The following CRTAC1 variants were observed in gnomAD, a reference collection of about 807,000 sequenced individuals.
CRTAC1 encodes the protein cartilage acidic protein 1.
Under a neutral mutation model 67.8 loss-of-function variants are expected in CRTAC1, and 37 were observed. That is an observed-to-expected ratio of 0.55 (90% CI 0.42 to 0.72). CRTAC1 has a LOEUF of 0.72. CRTAC1 is among the 30% of genes least tolerant of loss of function. The pLI is 0.00. For missense variants in CRTAC1, 780 were observed against 931.6 expected (o/e 0.84, Z 2.12); for synonymous variants, 348 against 371.0 (o/e 0.94, Z 0.71).
intron 2 of CRTAC1, among the ~76,000 whole-genome samples, chr10:97,953,833 A>T (rs904031602): frequency 6.6e-6 from 1 of 152,190 alleles, no homozygotes; most frequent in African/African-American, 2.4e-5. Context: ...GAGCAAACAT[A>T]TTATTTCAAC....
At chr10:97,979,867 C>T (rs1238381419) in intron 2 of CRTAC1, among the ~76,000 whole-genome samples, 1 of 152,176 alleles carries the variant, frequency 6.6e-6, no homozygotes, top group African/African-American at 2.4e-5. Flanking sequence ...CACCATCTCT[C>T]CCAAGCTTGC....
intron 11 of CRTAC1, among the ~76,000 whole-genome samples, chr10:97,889,717 C>T (rs1364230671): frequency 6.6e-6 from 1 of 152,144 alleles, no homozygotes; most frequent in Non-Finnish European, 1.5e-5. Context: ...TCCGTGTACT[C>T]ACACATGCGC....
chr10:97,913,927 T>C (rs552758303), intron 5 of CRTAC1, among the ~76,000 whole-genome samples: 1 of 152,352 alleles, frequency 6.6e-6, no homozygotes, highest in South Asian at 2.1e-4. Context: ...TGACTTCCTA[T>C]AAATCAGATC....
At chr10:97,933,186 C>A (rs1032184471) in intron 3 of CRTAC1, among the ~76,000 whole-genome samples, 1 of 152,278 alleles carries the variant, frequency 6.6e-6, no homozygotes, top group African/African-American at 2.4e-5. Flanking sequence ...CTGCTCCACA[C>A]CCCGCCCACT....
chr10:97,890,950 A>G (rs1160939395), intron 11 of CRTAC1, among the ~76,000 whole-genome samples: 1 of 152,170 alleles, frequency 6.6e-6, no homozygotes, highest in Non-Finnish European at 1.5e-5. Flanking sequence ...GACAGGCGTG[A>G]GCCACTGCAC....
intron 2 of CRTAC1, among the ~76,000 whole-genome samples, chr10:97,990,981 T>C (rs1019732254): frequency 1.4e-4 from 21 of 151,520 alleles, no homozygotes; most frequent in East Asian, 7.8e-4. Context: ...ATGAAAAATA[T>C]GGCTGGGCAT....
At chr10:98,028,163 A>G (rs768312191) in intron 1 of CRTAC1, among the ~76,000 whole-genome samples, 19 of 152,130 alleles carry the variant, frequency 1.2e-4, no homozygotes, top group Non-Finnish European at 2.1e-4. Context: ...TCTCCTTGGA[A>G]TGTTGTGCTT....
intron 2 of CRTAC1, among the ~76,000 whole-genome samples, chr10:98,002,253 T>G (rs1407465102): frequency 6.6e-6 from 1 of 152,244 alleles, no homozygotes; most frequent in Non-Finnish European, 1.5e-5. Context: ...GCAGAGGCAT[T>G]TTTAGTGTTT....
intron 2 of CRTAC1, among the ~76,000 whole-genome samples, chr10:97,956,248 C>A (rs958671517): frequency 2.0e-5 from 3 of 152,194 alleles, no homozygotes; most frequent in African/African-American, 7.2e-5. Context: ...TTACTGTCTG[C>A]CAGGCACAGG....
chr10:98,012,355 T>C (rs1395589628), intron 1 of CRTAC1, among the ~76,000 whole-genome samples: 1 of 147,196 alleles, frequency 6.8e-6, no homozygotes, highest in Non-Finnish European at 1.5e-5. Flanking sequence ...ACGCTGCAGA[T>C]GGCACCACCC....
chr10:97,879,834 T>C (rs1224266426), intron 14 of CRTAC1: 1 of 823,192 alleles, frequency 1.2e-6, no homozygotes, highest in Non-Finnish European at 1.5e-6. Flanking sequence ...AGACAGAAAA[T>C]GGGAAAAAGA....
chr10:97,920,384 C>T (rs1191743239), intron 4 of CRTAC1, among the ~76,000 whole-genome samples: 1 of 152,188 alleles, frequency 6.6e-6, no homozygotes, highest in African/African-American at 2.4e-5. Flanking sequence ...CATGGTAATT[C>T]TGGGAGGGTG....
intron 1 of CRTAC1, among the ~76,000 whole-genome samples, chr10:98,024,481 T>C (rs1843185117): frequency 6.6e-6 from 1 of 152,150 alleles, no homozygotes; most frequent in Non-Finnish European, 1.5e-5. Flanking sequence ...GAAGTCGCCA[T>C]CACCCTTTCT....
chr10:97,936,140 G>T (rs779298461), intron 3 of CRTAC1, 30 bp downstream of exon 3: 1 of 1,551,876 alleles, frequency 6.4e-7, no homozygotes, highest in Admixed American at 1.8e-5. Context: ...AAGATGGGAA[G>T]CAGGAAGAGG....
At chr10:97,928,651 C>G (rs982047701) in intron 3 of CRTAC1, among the ~76,000 whole-genome samples, 6 of 152,156 alleles carry the variant, frequency 3.9e-5, no homozygotes, top group African/African-American at 1.4e-4. Context: ...GCCTTGAAAT[C>G]AGGATGGAAG....
At chr10:97,924,546 G>A (rs2050886571) in intron 3 of CRTAC1, among the ~76,000 whole-genome samples, 1 of 152,162 alleles carries the variant, frequency 6.6e-6, no homozygotes, top group Non-Finnish European at 1.5e-5. Context: ...CCCAGTGTTG[G>A]TTCTGCTTGG....
intron 2 of CRTAC1, among the ~76,000 whole-genome samples, chr10:97,951,631 G>C (rs535458663): frequency 9.0e-4 from 137 of 152,300 alleles, no homozygotes; most frequent in Non-Finnish European, 1.6e-3. Context: ...TGAAGTGCTT[G>C]CTGTATAAAA....
At chr10:97,965,176 G>A (rs574440173) in intron 2 of CRTAC1, among the ~76,000 whole-genome samples, 61 of 152,292 alleles carry the variant, frequency 4.0e-4, no homozygotes, top group African/African-American at 1.5e-3. Context: ...CTCGTGGAAG[G>A]TCCTCTTCTT....
At chr10:98,017,135 TG>T (rs1487767943) in intron 1 of CRTAC1, among the ~76,000 whole-genome samples, 1 of 152,186 alleles carries the variant, frequency 6.6e-6, no homozygotes, top group Admixed American at 6.5e-5. Flanking sequence ...ATTAGAGCAC[TG>T]GGAGTAGCAC....
Sources: allele counts gnomAD v4.1 joint callset (sites outside exome capture counted in the v4.1 genomes callset), GRCh38; gene constraint gnomAD v4.1.1; transcripts MANE v1.5; gene names NCBI Gene and HGNC (gene_info 2026-07-23, HGNC 2026-07-21).